The following OSBPL3 variants were observed in gnomAD, a reference collection of about 807,000 sequenced individuals.
The protein encoded by OSBPL3 is oxysterol binding protein like 3, also known as oxysterol-binding protein-related protein 3.
OSBPL3 carries 65 observed loss-of-function variants against 120.1 expected under a neutral mutation model. The observed-to-expected ratio is 0.54, with a 90% CI of 0.44 to 0.67. The LOEUF is 0.67. Ranked by LOEUF, OSBPL3 falls within the 30% of genes least tolerant of loss-of-function variation. OSBPL3 has a pLI of 0.00. For synonymous variants in OSBPL3, 416 were observed against 402.6 expected, an observed-to-expected ratio of 1.03 and a Z score of -0.40; for missense variants, 1,004 against 1,082.1, an observed-to-expected ratio of 0.93 and a Z score of 1.01.
At position 24,830,686 on chromosome 7, in the gene OSBPL3, T is replaced by G. The variant is rs1584280253; in HGVS notation, c.1884+82A>C. The G allele has an allele frequency of 7.7e-7, 1 of 1,297,688 alleles. No homozygotes were observed. Among genetic ancestry groups the G allele is most frequent in the Non-Finnish European group, 1.1e-6 (1 of 935,290 alleles). 80.4% of individuals were successfully genotyped at this position (1,297,688 alleles called of 1,614,324 possible). A position where few individuals can be genotyped will look rare whatever the true frequency, so the allele number is the denominator to read the frequency against. On this transcript the variant is annotated intron_variant, in intron 16 of 22. Transcript: ENST00000313367. This position sits in a 1 kb window ranked among gnomAD's most constrained non-coding sequence, Gnocchi z 4.4. The stretch of plus-strand genomic sequence containing the variant: ...CGGCTGCTTTGAAGCCAGTGAAAGG[T>G]GGAAGATAAATATTTCAGAAGCACA...
chr7:24,811,663 T>C (rs1196937723), intron 19 of OSBPL3, among the ~76,000 whole-genome samples: 1 of 152,236 alleles, frequency 6.6e-6, no homozygotes, highest in Non-Finnish European at 1.5e-5. Flanking sequence ...CTTTAGTCCT[T>C]TTGAGCTGGT....
chr7:24,889,490 T>C (rs1805019524), intron 2 of OSBPL3, among the ~76,000 whole-genome samples: 1 of 152,176 alleles, frequency 6.6e-6, no homozygotes. Flanking sequence ...GATGGGTATA[T>C]TAGCTTGATA....
chr7:24,910,684 AG>A (rs1368781186), intron 1 of OSBPL3, among the ~76,000 whole-genome samples: 1 of 152,244 alleles, frequency 6.6e-6, no homozygotes, highest in Admixed American at 6.5e-5. Context: ...AACACACCCC[AG>A]GGTGGGCCAT....
intron 1 of OSBPL3, among the ~76,000 whole-genome samples, chr7:24,974,495 G>T (rs1333875819): frequency 2.6e-5 from 4 of 152,154 alleles, no homozygotes; most frequent in Non-Finnish European, 5.9e-5. Flanking sequence ...CTTGTGCCAG[G>T]TTCTGTTCTA....
chr7:24,871,832 A>G lies in OSBPL3; in HGVS notation c.214-37T>C. 1 of 1,540,432 alleles carries G rather than the reference A, an allele frequency of 6.5e-7. No individual in the cohort carries two copies. Among genetic ancestry groups the G allele is most frequent in the South Asian group, 1.1e-5 (1 of 89,250 alleles). On this transcript the variant is annotated intron_variant, in intron 3 of 22. Coordinates refer to ENST00000313367, the MANE Select transcript of OSBPL3 (RefSeq NM_015550.4). The surrounding 1 kb of genome is among the most constrained non-coding windows in gnomAD (Gnocchi z 4.8). ...AAAGTATTATTAATTAAGGCATTCA[A>G]TTTAGGTGCCCTTTTCTTGGTCTCA...
chr7:24,910,021 G>T (rs1293060197), intron 1 of OSBPL3, among the ~76,000 whole-genome samples: 1 of 152,012 alleles, frequency 6.6e-6, no homozygotes, highest in East Asian at 1.9e-4. Context: ...GGTCAGGCTG[G>T]TCTCGAACTT....
In OSBPL3 at chr7:24,800,183, T is replaced by G; in HGVS notation, c.2664A>C (p.Ter888CysextTer7). Residue 888 changes from the stop codon to cysteine, a stop_lost, in exon 23 of 23, where the codon TGA (stop) becomes TGC (cysteine). Coordinates refer to ENST00000313367, the MANE Select transcript of OSBPL3 (RefSeq NM_015550.4). ...AATGTTATCTTTCTTCTTTACTTTT[T>G]CACCATAAGACAGGATGGTCCAGTT... ...FSKLDHPVLW[*>C] 2 of 1,561,830 alleles carry G rather than the reference T, an allele frequency of 1.3e-6. No individual in the cohort carries two copies. Among genetic ancestry groups the G allele is most frequent in the South Asian group, 1.1e-5 (1 of 89,926 alleles).
upstream of OSBPL3, among the ~76,000 whole-genome samples, chr7:24,980,712 C>T (rs1308196084): frequency 6.6e-6 from 1 of 151,860 alleles, no homozygotes; most frequent in African/African-American, 2.4e-5. Flanking sequence ...CACGAGATGA[C>T]AAAGGACAGC....
rs1794803833 is a variant in OSBPL3, at chr7:24,819,053, G to A, written c.1948+1122C>T. Among the ~76,000 whole-genome samples, 1 of 152,062 alleles carries A rather than the reference G, an allele frequency of 6.6e-6. No individual in the cohort carries two copies. The highest frequency in any genetic ancestry group is 1.9e-4 in the East Asian group (1 of 5,182). On this transcript the variant is annotated intron_variant, in intron 17 of 22. Transcript: ENST00000313367. This position sits in a 1 kb window ranked among gnomAD's most constrained non-coding sequence, Gnocchi z 4.1. ...GCGGATCACAAGGTCAAGAGATCAA[G>A]ACCATCCTGGCCAACATGGTGAAAC...
intron 1 of OSBPL3, among the ~76,000 whole-genome samples, chr7:24,970,973 C>T (rs35453809): frequency 9.0e-4 from 137 of 152,264 alleles, no homozygotes; most frequent in African/African-American, 3.1e-3. Context: ...TTTAGAAAAC[C>T]GGGGCAAAAT....
rs1293458518 is a variant in OSBPL3 at position 24,865,506 on chromosome 7, G to C, written c.550-41C>G. ...CAAAAGCACATTGTAAATGGAAACA[G>C]AGCCCATTGGGGACATGTTAAGACA... On this transcript the variant is annotated intron_variant, in intron 6 of 22. Transcript: ENST00000313367. 3.1e-6 allele frequency: 5 copies of C among 1,602,164 alleles called. No homozygotes were observed. In the African/African-American group the frequency reaches 4.0e-5, roughly 13 times the overall value.
At position 24,877,737 on chromosome 7, in the gene OSBPL3, T is replaced by C. The variant is rs1221725279; in HGVS notation, c.97-5668A>G. Among the ~76,000 whole-genome samples the C allele has an allele frequency of 6.6e-6, 1 of 152,166 alleles. No individual in the cohort carries two copies. Among genetic ancestry groups the C allele is most frequent in the Non-Finnish European group, 1.5e-5 (1 of 68,026 alleles). Reference sequence around the variant, plus strand: ...AAAACAAGAGGGATGTTGGTTTCTCTTGGCTAAAGGAACCAGGACTTAGGA... The same window carrying C: ...AAAACAAGAGGGATGTTGGTTTCTCCTGGCTAAAGGAACCAGGACTTAGGA... On this transcript the variant is annotated intron_variant, in intron 2 of 22. Coordinates refer to ENST00000313367, the MANE Select transcript of OSBPL3 (RefSeq NM_015550.4). This position sits in a 1 kb window ranked among gnomAD's most constrained non-coding sequence, Gnocchi z 4.8.
rs188721201 is a variant in OSBPL3 at position 24,881,667 on chromosome 7, T to C, written c.97-9598A>G. Among the ~76,000 whole-genome samples, 454 of 152,118 alleles carry C rather than the reference T, an allele frequency of 3.0e-3. 2 individuals carry two copies. Among genetic ancestry groups the C allele is most frequent in the African/African-American group, 0.011 (440 of 41,466 alleles). The stretch of plus-strand genomic sequence containing the variant: ...AAATGACACACAGTAAGCAGCAGGG[T>C]GTCTTAGATTCCTGAGGCCAACTTG... On this transcript the variant is annotated intron_variant, in intron 2 of 22. Transcript: ENST00000313367. This position sits in a 1 kb window ranked among gnomAD's most constrained non-coding sequence, Gnocchi z 4.3.
intron 2 of OSBPL3, among the ~76,000 whole-genome samples, chr7:24,882,258 ACCCTCAC>A (rs1252480840): frequency 5.3e-5 from 3 of 56,360 alleles, no homozygotes; most frequent in Non-Finnish European, 1.1e-4. Flanking sequence ...TCCCTCCCCC[ACCCTCAC>A]CTGCTGAGTC....
intron 15 of OSBPL3, among the ~76,000 whole-genome samples, chr7:24,832,131 C>T (rs572628374): frequency 5.4e-5 from 8 of 147,682 alleles, no homozygotes; most frequent in African/African-American, 2.0e-4. Flanking sequence ...TGATTGAGCC[C>T]AGGAGGTCGA....
intron 2 of OSBPL3, 43 bp downstream of exon 2, chr7:24,892,334 G>A (rs748787376): frequency 5.6e-6 from 9 of 1,594,066 alleles, no homozygotes; most frequent in African/African-American, 1.3e-5. Flanking sequence ...CAAACTTGAT[G>A]GCTTACATTT....
At chr7:24,810,547 A>C (rs1487291474) in intron 19 of OSBPL3, among the ~76,000 whole-genome samples, 1 of 152,102 alleles carries the variant, frequency 6.6e-6, no homozygotes, top group African/African-American at 2.4e-5. Context: ...AACAAAACAA[A>C]AACAAAAACA....
intron 1 of OSBPL3, among the ~76,000 whole-genome samples, chr7:24,956,912 GT>G (rs1482301839): frequency 6.7e-6 from 1 of 148,690 alleles, no homozygotes; most frequent in African/African-American, 2.6e-5. Context: ...TGAATTTCTA[GT>G]TTTTTTATTC....
Position 24,830,888 on chromosome 7 carries a change from A to C in OSBPL3, c.1764T>G (p.Phe588Leu). 1 of 1,612,146 alleles carries C rather than the reference A, an allele frequency of 6.2e-7. No individual in the cohort carries two copies. Among genetic ancestry groups the C allele is most frequent in the Non-Finnish European group, 8.5e-7 (1 of 1,179,544 alleles). ...PLERMVYVAA[F>L]AISAYASSYY... ...AGCTAGATGCATACGCTGATATGGC[A>C]AAGGCTGCCACATATACCTAAGGAC... The change falls in exon 16 of 23, where the codon TTT becomes TTG. Residue 588 changes from phenylalanine (F) to leucine (L), a missense_variant. Phe to Leu is a conservative substitution (Grantham distance 22). Around this residue, in one of 4 missense-constraint regions of OSBPL3, gnomAD observed 473 missense variants for 568.0 expected, o/e 0.83. Transcript: ENST00000313367. This position sits in a 1 kb window ranked among gnomAD's most constrained non-coding sequence, Gnocchi z 4.4.
Sources: gnomAD v4.1 joint callset for allele counts (sites outside exome capture counted in the v4.1 genomes callset) on GRCh38, gnomAD v4.1.1 for gene constraint, gnomAD v4.1.1 regional missense constraint, Gnocchi (gnomAD v3.1) non-coding constraint, MANE v1.5 for transcripts, NCBI Gene and HGNC (gene_info 2026-07-23, HGNC 2026-07-21) for gene names.